DEFB106A: variants seen among roughly 807,000 people sequenced by gnomAD.
The protein encoded by DEFB106A is beta-defensin 106.
For missense variants in DEFB106A, 4 were observed against 63.7 expected (o/e 0.06, Z 3.19); for synonymous variants, 1 against 22.5 (o/e 0.04, Z 2.70).
chr8:7,826,755 G>T (rs1365868085), intron 1 of DEFB106A, among the ~76,000 whole-genome samples: 1 of 132,086 alleles, frequency 7.6e-6, no homozygotes, highest in African/African-American at 2.7e-5. Flanking sequence ...TGCAACCTCT[G>T]CCACCGGGGT....
At chr8:7,826,670 ATT>A (rs368772606) in intron 1 of DEFB106A, among the ~76,000 whole-genome samples, 30,616 of 99,994 alleles carry the variant, frequency 0.31, 2,117 homozygotes, top group East Asian at 0.42. Context: ...ATATATACAT[ATT>A]TTTTTTTTTT....
chr8:7,828,136 T>C (rs1817470740), intron 1 of DEFB106A, among the ~76,000 whole-genome samples: 1 of 148,474 alleles, frequency 6.7e-6, no homozygotes, highest in Admixed American at 6.8e-5. Context: ...TGTCCTTAAC[T>C]TGAAGCAGGC....
chr8:7,827,114 G>T (rs1585689374), intron 1 of DEFB106A, among the ~76,000 whole-genome samples: 1 of 118,872 alleles, frequency 8.4e-6, no homozygotes, highest in East Asian at 2.5e-4. Context: ...ATACATACTA[G>T]TATAATACTC....
intron 1 of DEFB106A, among the ~76,000 whole-genome samples, chr8:7,827,537 G>C (rs1309857420): frequency 2.6e-5 from 3 of 117,150 alleles, no homozygotes; most frequent in East Asian, 5.3e-4. Flanking sequence ...CTAGTACATA[G>C]TATAGTGTAC....
At chr8:7,827,628 A>T (rs1183927113) in intron 1 of DEFB106A, among the ~76,000 whole-genome samples, 7 of 128,198 alleles carry the variant, frequency 5.5e-5, no homozygotes, top group Non-Finnish European at 1.2e-4. Context: ...ACTATAACAC[A>T]CTAGTATATA....
At chr8:7,826,493 C>G (rs1483083022) in intron 1 of DEFB106A, among the ~76,000 whole-genome samples, 3 of 148,648 alleles carry the variant, frequency 2.0e-5, no homozygotes, top group African/African-American at 4.9e-5. Context: ...ATTAGATATA[C>G]TAGAGTATAA....
chr8:7,827,293 T>C (rs1193062933), intron 1 of DEFB106A, among the ~76,000 whole-genome samples: 3 of 113,906 alleles, frequency 2.6e-5, no homozygotes, highest in Non-Finnish European at 5.5e-5. Flanking sequence ...ATAGTGTATA[T>C]ACTAGTATAA....
chr8:7,827,351 T>C (rs1390530657), intron 1 of DEFB106A, among the ~76,000 whole-genome samples: 1 of 126,572 alleles, frequency 7.9e-6, no homozygotes, highest in African/African-American at 2.8e-5. Context: ...TACACTAGTA[T>C]ATAGTATAGT....
rs191005134 is a variant in DEFB106A, at chr8:7,826,654, A to T, written c.49+1429A>T. On this transcript the variant is annotated intron_variant, in intron 1 of 1. Coordinates refer to ENST00000335186, the MANE Select transcript of DEFB106A (RefSeq NM_152251.4). The stretch of plus-strand genomic sequence containing the variant: ...ATAGTATTGTACTAGTATATATTAT[A>T]TATATATATATACATATTTTTTTTT... Among the ~76,000 whole-genome samples the T allele has an allele frequency of 8.7e-3, 1,092 of 125,480 alleles. 9 individuals are homozygous for T. The highest frequency in any genetic ancestry group is 0.027 in the African/African-American group (1,001 of 36,622). 82.3% of individuals were successfully genotyped at this position (125,480 alleles called of 152,430 possible). A position where few individuals can be genotyped will look rare whatever the true frequency, so the allele number is the denominator to read the frequency against.
At position 7,828,332 on chromosome 8, in the gene DEFB106A, TTC is replaced by T. The variant is rs1476124532; in HGVS notation, c.50-471_50-470del. 8.1e-5 allele frequency among the ~76,000 whole-genome samples: 9 copies of T among 111,760 alleles called. No individual in the cohort carries two copies. In the Admixed American group the frequency reaches 9.0e-4, roughly 11 times the overall value. The allele number at this position is 111,760 out of a possible 152,430, so 73.3% of individuals were successfully genotyped here. On this transcript the variant is annotated intron_variant, in intron 1 of 1. Coordinates refer to ENST00000335186, the MANE Select transcript of DEFB106A (RefSeq NM_152251.4). ...ATCAGGCTGAGCCTTCCAAGCAAGT[TTC>T]TATCTACCACAGTAAACTCATTCTC...
intron 1 of DEFB106A, among the ~76,000 whole-genome samples, chr8:7,827,426 A>G (rs567924604): frequency 1.2e-4 from 14 of 116,672 alleles, no homozygotes; most frequent in South Asian, 3.3e-4. Flanking sequence ...ACTCTAGTAT[A>G]TAGTATATAT....
chr8:7,829,042 T>C lies in DEFB106A; in HGVS notation c.*89T>C, dbSNP rs1378425129. 12 of 597,878 alleles carry C rather than the reference T, an allele frequency of 2.0e-5. No individual in the cohort carries two copies. Among genetic ancestry groups the C allele is most frequent in the African/African-American group, 1.9e-4 (10 of 53,430 alleles). 37.0% of individuals were successfully genotyped at this position (597,878 alleles called of 1,614,324 possible). Reference sequence around the variant, plus strand: ...CTGTAGGCAGACACTTTAATAAAAATAAATGACTGTCTTTGCTCAGTTTGT... The same window carrying C: ...CTGTAGGCAGACACTTTAATAAAAACAAATGACTGTCTTTGCTCAGTTTGT... On this transcript the variant is annotated 3_prime_UTR_variant, in exon 2 of 2. Transcript: ENST00000335186.
At chr8:7,826,674 T>A (rs1412722896) in intron 1 of DEFB106A, among the ~76,000 whole-genome samples, 3 of 128,160 alleles carry the variant, frequency 2.3e-5, no homozygotes, top group South Asian at 2.8e-4. Flanking sequence ...ATACATATTT[T>A]TTTTTTTTTT....
At chr8:7,827,566 A>C (rs1337369804) in intron 1 of DEFB106A, among the ~76,000 whole-genome samples, 1 of 121,918 alleles carries the variant, frequency 8.2e-6, no homozygotes, top group Non-Finnish European at 1.7e-5. Flanking sequence ...ATAATACACT[A>C]GTATATAGTA....
chr8:7,826,676 T>C (rs1172088413), intron 1 of DEFB106A, among the ~76,000 whole-genome samples: 2 of 130,228 alleles, frequency 1.5e-5, no homozygotes, highest in African/African-American at 5.4e-5. Context: ...ACATATTTTT[T>C]TTTTTTTTTT....
At chr8:7,827,859 A>G (rs1184920984) in intron 1 of DEFB106A, among the ~76,000 whole-genome samples, 1 of 141,514 alleles carries the variant, frequency 7.1e-6, no homozygotes, top group Non-Finnish European at 1.6e-5. Context: ...AGTGAGAGCC[A>G]GAGTTCATCG....
chr8:7,826,660 A>C (rs1388230878), intron 1 of DEFB106A, among the ~76,000 whole-genome samples: 1 of 122,930 alleles, frequency 8.1e-6, no homozygotes, highest in East Asian at 2.8e-4. Context: ...TTATATATAT[A>C]TATATACATA....
In DEFB106A at chr8:7,826,670, AT is replaced by A. The variant is rs368772606; in HGVS notation, c.49+1461del. Among the ~76,000 whole-genome samples, 179 of 104,448 alleles carry A rather than the reference AT, an allele frequency of 1.7e-3. 1 individual carries two copies. The highest frequency in any genetic ancestry group is 4.7e-3 in the African/African-American group (145 of 30,538). 68.5% of individuals were successfully genotyped at this position (104,448 alleles called of 152,430 possible). A position where few individuals can be genotyped will look rare whatever the true frequency, so the allele number is the denominator to read the frequency against. Reference sequence around the variant, plus strand: ...ATATATTATATATATATATATACATATTTTTTTTTTTTTTTTGAGATAGAGT... The same window carrying A: ...ATATATTATATATATATATATACATATTTTTTTTTTTTTTTGAGATAGAGT... On this transcript the variant is annotated intron_variant, in intron 1 of 1. Coordinates refer to ENST00000335186, the MANE Select transcript of DEFB106A (RefSeq NM_152251.4).
At chr8:7,827,650 A>G (rs1041935249) in intron 1 of DEFB106A, among the ~76,000 whole-genome samples, 16 of 131,174 alleles carry the variant, frequency 1.2e-4, no homozygotes, top group African/African-American at 4.2e-4. Context: ...TATAGTATAT[A>G]TACTAGTATA....
Sources: gnomAD v4.1 joint callset for allele counts (sites outside exome capture counted in the v4.1 genomes callset) on GRCh38, gnomAD v4.1.1 for gene constraint, MANE v1.5 for transcripts, NCBI Gene and HGNC (gene_info 2026-07-23, HGNC 2026-07-21) for gene names.